The following RBFOX1 variants were observed in gnomAD, a reference collection of about 807,000 sequenced individuals.
RBFOX1 encodes RNA binding protein fox-1 homolog 1.
A neutral mutation model predicts 57.7 loss-of-function variants in RBFOX1; 8 were observed. The observed-to-expected ratio is 0.14, with a 90% confidence interval of 0.08 to 0.25. The LOEUF (loss-of-function observed/expected upper bound fraction) is 0.25, where lower values mean the gene tolerates loss of function less well. Among genes scored for constraint, RBFOX1 ranks in the 10% least tolerant of loss-of-function variants. RBFOX1 has a pLI of 1.00. For missense variants in RBFOX1, 611 were observed against 548.5 expected (o/e 1.11, Z -1.14); for synonymous variants, 326 against 222.4 (o/e 1.47, Z -4.15).
chr16:5,344,225 G>T (rs2065092740), intron 1 of RBFOX1, among the ~76,000 whole-genome samples: 1 of 152,120 alleles, frequency 6.6e-6, no homozygotes, highest in Non-Finnish European at 1.5e-5. Flanking sequence ...TTGGCCTCTT[G>T]CCCTAGGTTT....
intron 4 of RBFOX1, among the ~76,000 whole-genome samples, chr16:7,101,903 C>G (rs2062762857): frequency 6.6e-6 from 1 of 152,084 alleles, no homozygotes; most frequent in African/African-American, 2.4e-5. Flanking sequence ...AGCATGGAGA[C>G]CAGGTGTTTA....
At chr16:5,646,027 T>C (rs73529741) in intron 3 of RBFOX1, among the ~76,000 whole-genome samples, 1 of 151,058 alleles carries the variant, frequency 6.6e-6, no homozygotes, top group Non-Finnish European at 1.5e-5. Flanking sequence ...GTTTTTTTTT[T>C]AATTTTTTTT....
At chr16:5,891,095 G>A (rs574854414) in intron 4 of RBFOX1, among the ~76,000 whole-genome samples, 53 of 152,314 alleles carry the variant, frequency 3.5e-4, no homozygotes, top group African/African-American at 1.2e-3. Flanking sequence ...AACCGTAACT[G>A]TTAGTAGGCA....
intron 3 of RBFOX1, among the ~76,000 whole-genome samples, chr16:6,743,690 C>A (rs1022016978): frequency 6.6e-5 from 10 of 151,802 alleles, no homozygotes; most frequent in African/African-American, 2.2e-4. Context: ...CTGCACTGGG[C>A]TGTCATCACA....
chr16:6,464,990 C>A (rs2153070248), intron 2 of RBFOX1, among the ~76,000 whole-genome samples: 2 of 152,306 alleles, frequency 1.3e-5, no homozygotes, highest in East Asian at 3.9e-4. Context: ...TCTGTATCTT[C>A]TTTTGTAACA....
At chr16:7,049,077 G>C (rs971020871) in intron 3 of RBFOX1, among the ~76,000 whole-genome samples, 1 of 152,140 alleles carries the variant, frequency 6.6e-6, no homozygotes, top group Non-Finnish European at 1.5e-5. Flanking sequence ...GGTCAGTGCA[G>C]GAGTTTATAA....
At chr16:7,398,255 G>C (rs149453229) in intron 4 of RBFOX1, among the ~76,000 whole-genome samples, 1 of 152,168 alleles carries the variant, frequency 6.6e-6, no homozygotes, top group Non-Finnish European at 1.5e-5. Context: ...GGAGCATAGG[G>C]TTGAATCTTA....
At chr16:7,489,660 C>G (rs1303772846) in intron 4 of RBFOX1, among the ~76,000 whole-genome samples, 1 of 151,864 alleles carries the variant, frequency 6.6e-6, no homozygotes, top group African/African-American at 2.4e-5. Context: ...GGATTACAGG[C>G]ACACACCACT....
intron 3 of RBFOX1, among the ~76,000 whole-genome samples, chr16:6,858,854 C>T (rs1006979965): frequency 1.3e-5 from 2 of 151,846 alleles, no homozygotes; most frequent in African/African-American, 4.8e-5. Context: ...ACATGCAAAA[C>T]TCAGACTCGT....
intron 4 of RBFOX1, among the ~76,000 whole-genome samples, chr16:5,912,956 A>C (rs1385372665): frequency 2.0e-5 from 3 of 152,308 alleles, no homozygotes; most frequent in South Asian, 4.1e-4. Flanking sequence ...TGGGGTGGCC[A>C]GCTTCCTAAT....
intron 4 of RBFOX1, among the ~76,000 whole-genome samples, chr16:7,158,683 G>T (rs532860824): frequency 7.1e-6 from 1 of 141,496 alleles, no homozygotes; most frequent in Non-Finnish European, 1.6e-5. Flanking sequence ...TGTGTGTATG[G>T]TGTGTCTGTG....
At chr16:5,885,064 C>G (rs934191118) in intron 4 of RBFOX1, among the ~76,000 whole-genome samples, 1 of 152,166 alleles carries the variant, frequency 6.6e-6, no homozygotes, top group African/African-American at 2.4e-5. Context: ...GCCAGATGGT[C>G]TTCGGGTCTC....
intron 4 of RBFOX1, among the ~76,000 whole-genome samples, chr16:7,158,765 G>C (rs1601405280): frequency 6.6e-6 from 1 of 151,964 alleles, no homozygotes; most frequent in Non-Finnish European, 1.5e-5. Context: ...GTGCATGTCT[G>C]TGAGTAGTGT....
In RBFOX1 at chr16:6,258,953, A is replaced by G. The variant is rs865913553; in HGVS notation, c.-126-58042A>G. Among the ~76,000 whole-genome samples the G allele has an allele frequency of 9.8e-5, 15 of 152,342 alleles. No individual in the cohort carries two copies. In the South Asian group the frequency reaches 1.2e-3, roughly 13 times the overall value. ...TTTATAAAAATGAAGAAATGAATCA[A>G]TGCAATTCCGAGTTCATTTACAACA... On this transcript the variant is annotated intron_variant, in intron 1 of 15. Transcript: ENST00000550418.
intron 1 of RBFOX1, among the ~76,000 whole-genome samples, chr16:6,255,027 C>G (rs771663085): frequency 1.3e-5 from 2 of 152,062 alleles, no homozygotes; most frequent in Non-Finnish European, 2.9e-5. Context: ...CCTTCCATCT[C>G]TCCCACCCCT....
intron 2 of RBFOX1, among the ~76,000 whole-genome samples, chr16:6,607,291 G>T (rs1447701748): frequency 2.0e-5 from 3 of 152,110 alleles, no homozygotes; most frequent in East Asian, 3.9e-4. Context: ...GAAGAGAAAT[G>T]TCAGCTCTCA....
At chr16:5,824,634 C>T (rs1401455717) in intron 3 of RBFOX1, among the ~76,000 whole-genome samples, 2 of 152,210 alleles carry the variant, frequency 1.3e-5, no homozygotes, top group Non-Finnish European at 2.9e-5. Flanking sequence ...AAAATCCCTG[C>T]AAATTGATTC....
chr16:5,372,409 A>G (rs1170567061), intron 1 of RBFOX1, among the ~76,000 whole-genome samples: 1 of 152,214 alleles, frequency 6.6e-6, no homozygotes, highest in Non-Finnish European at 1.5e-5. Flanking sequence ...GAAGATGGAA[A>G]TGACCCAGTC....
intron 1 of RBFOX1, among the ~76,000 whole-genome samples, chr16:6,199,076 A>G (rs1473744865): frequency 6.6e-6 from 1 of 152,120 alleles, no homozygotes; most frequent in Non-Finnish European, 1.5e-5. Flanking sequence ...AAAGAAATAT[A>G]GCAAAAGTTT....
Sources: gnomAD v4.1 joint callset for allele counts (sites outside exome capture counted in the v4.1 genomes callset) on GRCh38, gnomAD v4.1.1 for gene constraint, MANE v1.5 for transcripts, NCBI Gene and HGNC (gene_info 2026-07-23, HGNC 2026-07-21) for gene names.